Variants in GPC5 observed in about 807,000 individuals in gnomAD.
GPC5 encodes glypican-5.
Under a neutral mutation model 53.9 loss-of-function variants are expected in GPC5, and 47 were observed. The observed-to-expected ratio is 0.87, with a 90% CI of 0.69 to 1.11. The LOEUF (loss-of-function observed/expected upper bound fraction) is 1.11. Ranked by LOEUF, GPC5 falls within the 50% of genes most tolerant of loss-of-function variation. The pLI is 0.00. For missense variants in GPC5, 748 were observed against 713.1 expected (o/e 1.05, Z -0.56); for synonymous variants, 286 against 263.3 (o/e 1.09, Z -0.84).
chr13:92,120,931 A>G (rs1594771356), intron 6 of GPC5, among the ~76,000 whole-genome samples: 1 of 152,272 alleles, frequency 6.6e-6, no homozygotes, highest in East Asian at 1.9e-4. Context: ...TTGTGGTAAT[A>G]TTATTTCCTA....
intron 7 of GPC5, among the ~76,000 whole-genome samples, chr13:92,188,631 A>C (rs2042200980): frequency 6.6e-6 from 1 of 152,220 alleles, no homozygotes; most frequent in South Asian, 2.1e-4. Context: ...AATAGATTTA[A>C]TAAGTAAATA....
At chr13:91,531,474 C>T (rs937843360) in intron 2 of GPC5, among the ~76,000 whole-genome samples, 4 of 152,026 alleles carry the variant, frequency 2.6e-5, no homozygotes, top group African/African-American at 9.7e-5. Flanking sequence ...TTAAAACTTA[C>T]AAAGGAAAGA....
chr13:92,568,060 C>T (rs1882914345), intron 7 of GPC5, among the ~76,000 whole-genome samples: 1 of 152,022 alleles, frequency 6.6e-6, no homozygotes, highest in Admixed American at 6.6e-5. Flanking sequence ...CAGTGGCTCA[C>T]GCTGATATCC....
chr13:91,571,912 A>ATACGTGTGTGTGTG (rs2031862007), intron 2 of GPC5, among the ~76,000 whole-genome samples: 1 of 98,506 alleles, frequency 1.0e-5, no homozygotes, highest in African/African-American at 4.4e-5. Context: ...TATTGTATAT[A>ATACGTGTGTGTGTG]TACACATATT....
intron 1 of GPC5, among the ~76,000 whole-genome samples, chr13:91,414,711 C>T (rs1462760852): frequency 6.6e-6 from 1 of 152,152 alleles, no homozygotes; most frequent in African/African-American, 2.4e-5. Context: ...CTTCACGTAA[C>T]AGAAAATATG....
intron 6 of GPC5, among the ~76,000 whole-genome samples, chr13:92,023,440 T>TA (rs1191134654): frequency 6.6e-6 from 1 of 152,100 alleles, no homozygotes; most frequent in African/African-American, 2.4e-5. Context: ...TTGTGTTCAC[T>TA]AGGTGTATTA....
chr13:92,696,382 C>T (rs531092721), intron 7 of GPC5, among the ~76,000 whole-genome samples: 128 of 152,166 alleles, frequency 8.4e-4, no homozygotes, highest in African/African-American at 2.7e-3. Context: ...TTTTAATGAC[C>T]GCCATTCTAA....
chr13:92,625,448 A>G (rs945276049), intron 7 of GPC5, among the ~76,000 whole-genome samples: 1 of 152,224 alleles, frequency 6.6e-6, no homozygotes, highest in Non-Finnish European at 1.5e-5. Context: ...GGAAATAGCT[A>G]TATTAATAAG....
chr13:91,764,028 TA>T (rs2037472094), intron 5 of GPC5, among the ~76,000 whole-genome samples: 1 of 152,232 alleles, frequency 6.6e-6, no homozygotes, highest in African/African-American at 2.4e-5. Flanking sequence ...TGTTGTTTTT[TA>T]TTTTTATATA....
intron 7 of GPC5, among the ~76,000 whole-genome samples, chr13:92,840,011 T>C: frequency 6.7e-6 from 1 of 148,872 alleles, no homozygotes; most frequent in East Asian, 2.0e-4. Flanking sequence ...AATATTGGCA[T>C]GAAGATATAG....
In GPC5 at chr13:92,867,096, T is replaced by G. The variant is rs1443285324; in HGVS notation, c.*657T>G. The G allele has an allele frequency of 1.3e-5, 2 of 152,240 alleles. No homozygotes were observed. The highest frequency in any genetic ancestry group is 2.9e-5 in the Non-Finnish European group (2 of 67,996). The allele number at this position is 152,240 out of a possible 1,614,324, so 9.4% of individuals were successfully genotyped here. A position where few individuals can be genotyped will look rare whatever the true frequency, so the allele number is the denominator to read the frequency against. ...GTATTTTATTAACACCTGATTTGTA[T>G]TCCATTATATTCAAAATGCATCTTT... On this transcript the variant is annotated 3_prime_UTR_variant, in exon 8 of 8. Transcript: ENST00000377067.
rs1195538190 is a variant in GPC5, at chr13:91,983,403, G to C, written c.1401+75346G>C. Among the ~76,000 whole-genome samples the C allele has an allele frequency of 2.0e-5, 3 of 152,160 alleles. No homozygotes were observed. The East Asian group carries it at 5.8e-4, about 29-fold the overall frequency. ...AGAGGCTGACAACATCTAGGTGACA[G>C]TGTGGCAAGAGCTTCCTGGTCAAGT... On this transcript the variant is annotated intron_variant, in intron 6 of 7. Transcript: ENST00000377067.
chr13:92,452,542 G>T (rs1032550606), intron 7 of GPC5, among the ~76,000 whole-genome samples: 4 of 151,366 alleles, frequency 2.6e-5, no homozygotes, highest in Non-Finnish European at 5.9e-5. Flanking sequence ...AAGGTAAAAA[G>T]CTACAAGGAA....
At chr13:92,806,884 A>G (rs1030400382) in intron 7 of GPC5, among the ~76,000 whole-genome samples, 1 of 152,124 alleles carries the variant, frequency 6.6e-6, no homozygotes, top group Non-Finnish European at 1.5e-5. Flanking sequence ...TTTTACAAGG[A>G]CACACAAAGT....
chr13:92,751,822 A>ATAGT (rs1003141985), intron 7 of GPC5, among the ~76,000 whole-genome samples: 5 of 152,198 alleles, frequency 3.3e-5, no homozygotes, highest in African/African-American at 1.2e-4. Context: ...TTGCAGCCCC[A>ATAGT]TAGTTAAGTC....
At chr13:91,733,159 G>A (rs2036739336) in intron 4 of GPC5, among the ~76,000 whole-genome samples, 1 of 151,984 alleles carries the variant, frequency 6.6e-6, no homozygotes. Context: ...TTGTTTTTGA[G>A]ACAGTCTCAT....
intron 6 of GPC5, among the ~76,000 whole-genome samples, chr13:91,992,210 T>C (rs193036723): frequency 6.6e-6 from 1 of 151,832 alleles, no homozygotes; most frequent in African/African-American, 2.4e-5. Context: ...TTTTTGAAAC[T>C]TTTTCAGAGA....
At chr13:92,489,282 G>C (rs1454688006) in intron 7 of GPC5, among the ~76,000 whole-genome samples, 3 of 152,106 alleles carry the variant, frequency 2.0e-5, no homozygotes, top group Non-Finnish European at 4.4e-5. Context: ...TATTTATCAA[G>C]TATTAGTATG....
intron 7 of GPC5, among the ~76,000 whole-genome samples, chr13:92,832,782 C>A (rs545285707): frequency 7.9e-5 from 12 of 152,172 alleles, no homozygotes; most frequent in East Asian, 3.9e-4. Context: ...CCAAGGTGGG[C>A]AGATCACTTG....
Sources: gnomAD v4.1 joint callset for allele counts (sites outside exome capture counted in the v4.1 genomes callset) on GRCh38, gnomAD v4.1.1 for gene constraint, MANE v1.5 for transcripts, NCBI Gene and HGNC (gene_info 2026-07-23, HGNC 2026-07-21) for gene names.